Variants in COL16A1 observed in about 807,000 individuals in gnomAD.
COL16A1 encodes the protein collagen type XVI alpha 1 chain.
Under a neutral mutation model 266.3 loss-of-function variants are expected in COL16A1, and 189 were observed. The ratio of observed to expected loss-of-function variants is 0.71; its 90% CI spans 0.63 to 0.80. The LOEUF is 0.80. Among genes scored for constraint, COL16A1 ranks in the 30% least tolerant of loss-of-function variants. The pLI is 0.00. For missense variants in COL16A1, 1,928 were observed against 2,122.4 expected (o/e 0.91, Z 1.80); for synonymous variants, 740 against 782.3 (o/e 0.95, Z 0.90).
Position 31,690,391 on chromosome 1 carries a change from C to A in COL16A1, c.1485G>T (p.Gly495=). The change falls in exon 22 of 71, where the codon GGG becomes GGT. Residue 495 remains glycine, a splice_region_variant and synonymous_variant. Coordinates refer to ENST00000373672, the MANE Select transcript of COL16A1 (RefSeq NM_001856.4). The part of the protein sequence containing the change: ...PGKEGPGGKP[G]KPGVKGEKGD... ...CCTTCTCTCCCTTCACACCTGGCTTCCCCTGTTAGAAAAGAGGCAATGGGC... is the reference window on the plus strand; with the variant it reads ...CCTTCTCTCCCTTCACACCTGGCTTACCCTGTTAGAAAAGAGGCAATGGGC... The A allele has an allele frequency of 6.2e-7, 1 of 1,614,124 alleles. No individual in the cohort carries two copies. The highest frequency in any genetic ancestry group is 8.5e-7 in the Non-Finnish European group (1 of 1,180,026).
rs375990261 is a variant in COL16A1 at position 31,654,854 on chromosome 1, T to C, written c.4295A>G (p.Asp1432Gly). 1.4e-5 allele frequency: 23 copies of C among 1,613,664 alleles called. No individual in the cohort carries two copies. The African/African-American group carries it at 2.8e-4, about 20-fold the overall frequency. Reference protein sequence around the residue: ...GLPGVPGSMGDMVNYDEIKRF... With the variant: ...GLPGVPGSMGGMVNYDEIKRF... ...CTTGATTTCATCATAATTCACCATG[T>C]CTCCCTGAAGAAAGAGAAGAAAACC... The change falls in exon 68 of 71, where the codon GAC becomes GGC. Residue 1432 changes from aspartate to glycine, a missense_variant. This residue lies in a region of COL16A1 where 376 missense variants were observed against 485.2 expected (regional missense o/e 0.77). Coordinates refer to ENST00000373672, the MANE Select transcript of COL16A1 (RefSeq NM_001856.4).
chr1:31,665,182 T>C lies in COL16A1; in HGVS notation c.3545A>G (p.Gln1182Arg). Residue 1182 changes from glutamine to arginine, a missense_variant, in exon 56 of 71, where the codon CAA becomes CGA. Transcript: ENST00000373672. ...KVGSPGPPGP[Q>R]AEKGSEGIRG... ...CAGGGTCCTGCTCACCTTCTCTGCT[T>C]GAGGGCCAGGTGGGCCAGGTGATCC... 2.5e-6 allele frequency: 4 copies of C among 1,606,640 alleles called. No individual in the cohort carries two copies. The highest frequency in any genetic ancestry group is 2.5e-6 in the Non-Finnish European group (3 of 1,177,876).
intron 70 of COL16A1, among the ~76,000 whole-genome samples, chr1:31,653,235 C>T (rs1640784009): frequency 6.6e-6 from 1 of 152,224 alleles, no homozygotes; most frequent in Admixed American, 6.5e-5. Flanking sequence ...CTCTTTCAGG[C>T]TATATAGCCA....
intron 16 of COL16A1, 78 bp downstream of exon 16, chr1:31,692,396 C>T (rs1351257261): frequency 9.1e-6 from 14 of 1,537,950 alleles, no homozygotes; most frequent in South Asian, 5.1e-5. Flanking sequence ...CCTCAGAGAA[C>T]CCCGACTCCT....
In COL16A1 at chr1:31,671,725, C is replaced by A. The variant is rs944876229; in HGVS notation, c.3106-66G>T. 2.5e-6 allele frequency: 4 copies of A among 1,602,628 alleles called. No homozygotes were observed. In the African/African-American group the frequency reaches 5.4e-5, roughly 21 times the overall value. Reference sequence around the variant, plus strand: ...CCCCATAGAGCCCCTGGGATTCCAGCAGCCTTCCTCCCAGCTTGCCAGGGC... The same window carrying A: ...CCCCATAGAGCCCCTGGGATTCCAGAAGCCTTCCTCCCAGCTTGCCAGGGC... On this transcript the variant is annotated intron_variant, in intron 47 of 70. Transcript: ENST00000373672.
chr1:31,668,818 C>T lies in COL16A1; in HGVS notation c.3233G>A (p.Gly1078Glu). ...QGERGLTGLT[G>E]DKGEPGPPGQ... The stretch of plus-strand genomic sequence containing the variant: ...TCTTCTTACCGGCTCCCCCTTGTCT[C>T]CAGTCAGGCCCGTGAGACCTCGCTC... The change falls in exon 50 of 71, where the codon GGA becomes GAA. Residue 1078 changes from glycine (G) to glutamate (E), a missense_variant. Physicochemically the swap from Gly to Glu is moderately conservative, Grantham distance 98. Transcript: ENST00000373672. The surrounding 1 kb of genome is among the most constrained non-coding windows in gnomAD (Gnocchi z 5.8). 1 of 1,613,920 alleles carries T rather than the reference C, an allele frequency of 6.2e-7. No homozygotes were observed. Among genetic ancestry groups the T allele is most frequent in the South Asian group, 1.1e-5 (1 of 91,064 alleles).
intron 54 of COL16A1, 62 bp from the exon 55 acceptor site, chr1:31,665,680 G>C (rs1642070030): frequency 6.2e-7 from 1 of 1,600,106 alleles, no homozygotes. Flanking sequence ...TGGCTGCCCA[G>C]GTGGAAAGAG....
intron 20 of COL16A1, 34 bp downstream of exon 20, chr1:31,691,154 C>T (rs1379391794): frequency 6.2e-7 from 1 of 1,606,764 alleles, no homozygotes; most frequent in East Asian, 2.2e-5. Context: ...AAGCATGGAG[C>T]TCCCCACGTG....
At chr1:31,674,102 T>C (rs2148721411) in intron 44 of COL16A1, among the ~76,000 whole-genome samples, 1 of 152,302 alleles carries the variant, frequency 6.6e-6, no homozygotes, top group East Asian at 1.9e-4. Flanking sequence ...TGGCTGCTTC[T>C]GGAGAAATCT....
intron 54 of COL16A1, 46 bp downstream of exon 54, chr1:31,665,836 A>G (rs780646879): frequency 1.2e-6 from 2 of 1,613,770 alleles, no homozygotes; most frequent in Non-Finnish European, 1.7e-6. Flanking sequence ...CCAGGGACCC[A>G]GCTCCTTCCC....
At position 31,656,894 on chromosome 1, in the gene COL16A1, C is replaced by T. The variant is rs918117892; in HGVS notation, c.4056+139G>A. On this transcript the variant is annotated intron_variant, in intron 65 of 70. Transcript: ENST00000373672. The surrounding 1 kb of genome is among the most constrained non-coding windows in gnomAD (Gnocchi z 4.2). ...GCCTCAAGTCTCTAATTCCTCTCCC[C>T]AGGACAACAGGGTTAACAATTTCCA... 51 of 1,238,264 alleles carry T rather than the reference C, an allele frequency of 4.1e-5. No individual in the cohort carries two copies. The highest frequency in any genetic ancestry group is 5.4e-5 in the Non-Finnish European group (46 of 859,808). 76.7% of individuals were successfully genotyped at this position (1,238,264 alleles called of 1,614,324 possible).
At chr1:31,679,387 T>C (rs1194977690) in intron 42 of COL16A1, 21 of 1,515,204 alleles carry the variant, frequency 1.4e-5, no homozygotes, top group Middle Eastern at 3.4e-4. Context: ...CTGACCCAGA[T>C]TGTGGGTGCC....
chr1:31,680,710 G>T (rs1033421582), intron 39 of COL16A1, among the ~76,000 whole-genome samples, 195 bp downstream of exon 39: 1 of 152,160 alleles, frequency 6.6e-6, no homozygotes, highest in African/African-American at 2.4e-5. Flanking sequence ...CAGAAAGCTG[G>T]GGGTAGCAAG....
intron 26 of COL16A1, among the ~76,000 whole-genome samples, chr1:31,687,458 C>T (rs138700668): frequency 2.7e-5 from 4 of 150,672 alleles, no homozygotes; most frequent in East Asian, 1.9e-4. Flanking sequence ...AGGTGAAAAC[C>T]GGACTGCTGC....
At position 31,692,556 on chromosome 1, in the gene COL16A1, C is replaced by CT. The variant is rs780552446; in HGVS notation, c.1158+41dup. On this transcript the variant is annotated intron_variant, in intron 15 of 70. Coordinates refer to ENST00000373672, the MANE Select transcript of COL16A1 (RefSeq NM_001856.4). ...GAGGAAGGGAGGGTAAGGCTGGGCCCTGGACCCACCATCCCTGCCCTATCC... is the reference window on the plus strand; with the variant it reads ...GAGGAAGGGAGGGTAAGGCTGGGCCCTTGGACCCACCATCCCTGCCCTATCC... The CT allele has an allele frequency of 6.2e-6, 10 of 1,614,106 alleles. No homozygotes were observed. In the African/African-American group the frequency reaches 1.3e-4, roughly 22 times the overall value.
chr1:31,660,723 G>A, intron 61 of COL16A1, 85 bp from the exon 62 acceptor site: 1 of 1,577,632 alleles, frequency 6.3e-7, no homozygotes, highest in Non-Finnish European at 8.7e-7. Flanking sequence ...GGGCTGGGCA[G>A]AATACATGGT....
Position 31,699,714 on chromosome 1 carries a change from C to T in COL16A1, c.266+99G>A, listed in dbSNP as rs1443177867. On this transcript the variant is annotated intron_variant, in intron 4 of 70. Coordinates refer to ENST00000373672, the MANE Select transcript of COL16A1 (RefSeq NM_001856.4). ...CTGGCAGGGGCTGGGATGCAATGACCCACAGACAGGCCCCTGGGCTTAAGC... is the reference window on the plus strand; with the variant it reads ...CTGGCAGGGGCTGGGATGCAATGACTCACAGACAGGCCCCTGGGCTTAAGC... 5.0e-6 allele frequency: 4 copies of T among 806,722 alleles called. No individual in the cohort carries two copies. The African/African-American group carries it at 6.8e-5, about 14-fold the overall frequency. 50.0% of individuals were successfully genotyped at this position (806,722 alleles called of 1,614,324 possible).
In COL16A1 at chr1:31,700,094, T is replaced by C; in HGVS notation, c.95A>G (p.Gln32Arg). ...ANTGAQCPPS[Q>R]QEGLKLEHSS... ...GTGTTCCAATTTGAGTCCTTCCTGC[T>C]GTGAAGGTGGGCATTGTGCACCTAG... Residue 32 changes from glutamine (Q) to arginine (R), a missense_variant, in exon 3 of 71, where the codon CAG becomes CGG. Physicochemically the swap from Gln to Arg is conservative, Grantham distance 43. Coordinates refer to ENST00000373672, the MANE Select transcript of COL16A1 (RefSeq NM_001856.4). 6.2e-7 allele frequency: 1 copy of C among 1,614,126 alleles called. No homozygotes were observed.
chr1:31,697,816 G>A lies in COL16A1; in HGVS notation c.657+90C>T. 2.8e-6 allele frequency: 4 copies of A among 1,432,806 alleles called. No homozygotes were observed. The South Asian group carries it at 5.4e-5, about 19-fold the overall frequency. 88.8% of individuals were successfully genotyped at this position (1,432,806 alleles called of 1,614,324 possible). ...GAAAGCAGGGGAAGATTCTAAGCAG[G>A]AGAAGGACTTGTTCCGATACGGATT... On this transcript the variant is annotated intron_variant, in intron 6 of 70. Transcript: ENST00000373672. This position sits in a 1 kb window ranked among gnomAD's most constrained non-coding sequence, Gnocchi z 4.2.
Sources: allele counts gnomAD v4.1 joint callset (sites outside exome capture counted in the v4.1 genomes callset), GRCh38; gene constraint gnomAD v4.1.1; regional missense constraint gnomAD v4.1.1; non-coding constraint Gnocchi (gnomAD v3.1); transcripts MANE v1.5; gene names NCBI Gene and HGNC (gene_info 2026-07-23, HGNC 2026-07-21).